Variants in CFAP161 observed in about 807,000 individuals in gnomAD.
CFAP161 encodes cilia- and flagella-associated protein 161.
A neutral mutation model predicts 29.0 loss-of-function variants in CFAP161; 25 were observed. The ratio of observed to expected loss-of-function variants is 0.86; its 90% CI spans 0.63 to 1.20. CFAP161 has a LOEUF of 1.20. Among genes scored for constraint, CFAP161 ranks in the 50% most tolerant of loss-of-function variants. The probability of loss-of-function intolerance (pLI) is 0.00; values close to 1 mark genes in which losing one functional copy is unlikely to be tolerated. For missense variants in CFAP161, 367 were observed against 371.9 expected (o/e 0.99, Z 0.11); for synonymous variants, 116 against 137.4 (o/e 0.84, Z 1.09).
At chr15:81,101,526 C>CA (rs527465471) in intron 1 of CFAP161, among the ~76,000 whole-genome samples, 5,257 of 45,978 alleles carry the variant, frequency 0.11, 1,861 homozygotes, top group African/African-American at 0.4. Context: ...GACTCTGTCT[C>CA]AAAAAAAAAA....
rs1595921980 is a variant in CFAP161 at position 81,148,247 on chromosome 15, C to T, written c.711-91C>T. 9.0e-5 allele frequency: 116 copies of T among 1,295,044 alleles called. No homozygotes were observed. The East Asian group carries it at 2.6e-3, about 30-fold the overall frequency. 80.2% of individuals were successfully genotyped at this position (1,295,044 alleles called of 1,614,324 possible). ...TAGGGCTTTATCTAGCAATCCGCTTCTTAAGGTGCTTTCGAGATTAAATTA... is the reference window on the plus strand; with the variant it reads ...TAGGGCTTTATCTAGCAATCCGCTTTTTAAGGTGCTTTCGAGATTAAATTA... On this transcript the variant is annotated intron_variant, in intron 6 of 6. Coordinates refer to ENST00000286732, the MANE Select transcript of CFAP161 (RefSeq NM_173528.4).
chr15:81,102,318 C>T (rs1225260432), intron 1 of CFAP161, among the ~76,000 whole-genome samples: 1 of 152,070 alleles, frequency 6.6e-6, no homozygotes, highest in Non-Finnish European at 1.5e-5. Flanking sequence ...AGACCTTTTG[C>T]AGAAAATTCA....
At chr15:81,117,761 C>T (rs1894517370) in intron 1 of CFAP161, 2 of 302,678 alleles carry the variant, frequency 6.6e-6, no homozygotes, top group African/African-American at 4.6e-5. Flanking sequence ...TCTTCTTCCT[C>T]CTCGCTGACT....
intron 4 of CFAP161, 141 bp downstream of exon 4, chr15:81,138,276 C>G: frequency 1.5e-6 from 1 of 669,850 alleles, no homozygotes; most frequent in African/African-American, 1.8e-5. Flanking sequence ...CAGCTTGCAG[C>G]TTTTCACAGG....
intron 1 of CFAP161, among the ~76,000 whole-genome samples, chr15:81,111,944 A>G (rs562625361): frequency 6.6e-6 from 1 of 152,378 alleles, no homozygotes; most frequent in East Asian, 1.9e-4. Context: ...TTGTAGATTT[A>G]TAGTGCAGGC....
upstream of CFAP161, among the ~76,000 whole-genome samples, chr15:81,131,662 AAAAC>A (rs1894712682): frequency 2.0e-5 from 3 of 152,314 alleles, no homozygotes; most frequent in South Asian, 6.2e-4. Context: ...AAAATGAAGA[AAAAC>A]AAATAGCATC....
chr15:81,114,167 C>T (rs1463105271), intron 1 of CFAP161, among the ~76,000 whole-genome samples: 2 of 152,088 alleles, frequency 1.3e-5, no homozygotes, highest in Non-Finnish European at 1.5e-5. Flanking sequence ...TCAGAGATAA[C>T]GTGGGTTTGT....
chr15:81,147,329 C>T (rs1032150672), intron 5 of CFAP161, among the ~76,000 whole-genome samples: 6 of 152,014 alleles, frequency 3.9e-5, no homozygotes, highest in Admixed American at 1.3e-4. Context: ...TTGAGGTCCC[C>T]GGACCCTCTT....
chr15:81,148,634 A>C lies in CFAP161; in HGVS notation c.*101A>C. 5 of 1,149,446 alleles carry C rather than the reference A, an allele frequency of 4.3e-6. No homozygotes were observed. Among genetic ancestry groups the C allele is most frequent in the Non-Finnish European group, 6.1e-6 (5 of 821,214 alleles). The allele number at this position is 1,149,446 out of a possible 1,614,324, so 71.2% of individuals were successfully genotyped here. A position where few individuals can be genotyped will look rare whatever the true frequency, so the allele number is the denominator to read the frequency against. On this transcript the variant is annotated 3_prime_UTR_variant, in exon 7 of 7. Transcript: ENST00000286732. ...TCATGCCTCAAGCTATTTTTGAATC[A>C]GATGTGGGACTCTCTGGGCACTATA...
chr15:81,147,341 G>A (rs1341005683), intron 5 of CFAP161, among the ~76,000 whole-genome samples: 4 of 151,940 alleles, frequency 2.6e-5, no homozygotes, highest in South Asian at 4.2e-4. Flanking sequence ...GACCCTCTTC[G>A]GGAAAAAGCA....
At chr15:81,099,685 C>T (rs1206192702) in intron 1 of CFAP161, among the ~76,000 whole-genome samples, 1 of 152,152 alleles carries the variant, frequency 6.6e-6, no homozygotes, top group Non-Finnish European at 1.5e-5. Context: ...ATGAAGCATC[C>T]TTTTACTACC....
intron 1 of CFAP161, among the ~76,000 whole-genome samples, chr15:81,106,669 G>A (rs1371913100): frequency 2.0e-5 from 3 of 152,120 alleles, no homozygotes; most frequent in Non-Finnish European, 4.4e-5. Flanking sequence ...GCCACATGAG[G>A]GCACACTTGC....
chr15:81,130,177 A>G (rs1216430852), upstream of CFAP161, among the ~76,000 whole-genome samples: 1 of 152,184 alleles, frequency 6.6e-6, no homozygotes, highest in African/African-American at 2.4e-5. Flanking sequence ...GCTCAAGGGA[A>G]TGTGGTGGCT....
intron 1 of CFAP161, among the ~76,000 whole-genome samples, chr15:81,112,180 A>C (rs1394110361): frequency 6.6e-6 from 1 of 151,566 alleles, no homozygotes; most frequent in East Asian, 1.9e-4. Context: ...GCCGAGTGAA[A>C]GGAGCTTCAA....
intron 1 of CFAP161, among the ~76,000 whole-genome samples, chr15:81,099,961 T>C (rs1894283661): frequency 6.6e-6 from 1 of 152,140 alleles, no homozygotes; most frequent in Non-Finnish European, 1.5e-5. Flanking sequence ...ATTTGTTTCA[T>C]CACCTATAAA....
chr15:81,137,601 T>G (rs553507294), intron 3 of CFAP161, among the ~76,000 whole-genome samples: 22 of 152,274 alleles, frequency 1.4e-4, no homozygotes, highest in Non-Finnish European at 2.5e-4. Flanking sequence ...TAGACAGTTC[T>G]TCAAGTTCTA....
At chr15:81,146,276 TGA>T (rs1282953041) in intron 5 of CFAP161, among the ~76,000 whole-genome samples, 9 of 152,184 alleles carry the variant, frequency 5.9e-5, no homozygotes, top group African/African-American at 1.9e-4. Context: ...TTAACTTACA[TGA>T]GTCAGGATTT....
intron 1 of CFAP161, among the ~76,000 whole-genome samples, chr15:81,105,570 G>C (rs1894363038): frequency 6.6e-6 from 1 of 152,054 alleles, no homozygotes; most frequent in East Asian, 2.0e-4. Flanking sequence ...CCACTGGAGA[G>C]GTTGGTTGGC....
intron 1 of CFAP161, among the ~76,000 whole-genome samples, chr15:81,107,330 G>A (rs761889764): frequency 3.3e-5 from 5 of 152,196 alleles, no homozygotes; most frequent in African/African-American, 7.2e-5. Context: ...TACAGATGAG[G>A]CAACTAAGTC....
Sources: gnomAD v4.1 joint callset for allele counts (sites outside exome capture counted in the v4.1 genomes callset) on GRCh38, gnomAD v4.1.1 for gene constraint, MANE v1.5 for transcripts, NCBI Gene and HGNC (gene_info 2026-07-23, HGNC 2026-07-21) for gene names.